NDUFA5: variants seen among roughly 807,000 people sequenced by gnomAD.
NDUFA5 encodes NADH dehydrogenase [ubiquinone] 1 alpha subcomplex subunit 5.
In NDUFA5, 11 loss-of-function variants were observed where a neutral mutation model predicts 19.8. That is an observed-to-expected ratio of 0.56 (90% confidence interval 0.35 to 0.92). The LOEUF (loss-of-function observed/expected upper bound fraction) is 0.92. NDUFA5 is among the 40% of genes least tolerant of loss of function. NDUFA5 has a pLI of 0.01. For synonymous variants in NDUFA5, 47 were observed against 46.8 expected (o/e 1.00, Z -0.01); for missense variants, 109 against 134.2 (o/e 0.81, Z 0.93).
upstream of NDUFA5, chr7:123,558,306 G>T (rs754204302): frequency 5.3e-4 from 83 of 157,638 alleles, 4 homozygotes; most frequent in Non-Finnish European, 1.5e-4. Context: ...TATGGAGTGT[G>T]AGGTCATTTT....
the NDUFA5 span, among the ~76,000 whole-genome samples, chr7:123,574,537 G>A: frequency 4.6e-3 from 707 of 152,192 alleles, 6 homozygotes; most frequent in African/African-American, 0.016. Context: ...TTTAAGAACC[G>A]CTAGTTAAAA....
In NDUFA5 at chr7:123,540,889, T is replaced by TGCGCGCGC. The variant is rs142574797; in HGVS notation, c.*1229_*1230insGCGCGCGC. 1,576 of 110,374 alleles carry TGCGCGCGC rather than the reference T, an allele frequency of 0.014. 19 individuals are homozygous for TGCGCGCGC. The highest frequency in any genetic ancestry group is 0.033 in the African/African-American group (943 of 28,416). The allele number at this position is 110,374 out of a possible 1,614,324, so 6.8% of individuals were successfully genotyped here. ...TTCTGAGCAAATGTGCGCATGCGCG[T>TGCGCGCGC]GCACACACACACACACACACACACA... is the stretch of plus-strand genomic sequence containing the variant. On this transcript the variant is annotated 3_prime_UTR_variant, in exon 5 of 5. Coordinates refer to ENST00000355749, the MANE Select transcript of NDUFA5 (RefSeq NM_005000.5).
chr7:123,590,204 G>A, the NDUFA5 span, among the ~76,000 whole-genome samples: 1 of 152,100 alleles, frequency 6.6e-6, no homozygotes, highest in Non-Finnish European at 1.5e-5. Flanking sequence ...TAAGTTCTGT[G>A]TAGATTCTGG....
At chr7:123,586,422 G>A in the NDUFA5 span, among the ~76,000 whole-genome samples, 1 of 151,520 alleles carries the variant, frequency 6.6e-6, no homozygotes, top group Non-Finnish European at 1.5e-5. Flanking sequence ...TTTTAATTAG[G>A]TTATTTGTTT....
At chr7:123,583,496 A>G in the NDUFA5 span, among the ~76,000 whole-genome samples, 2 of 151,996 alleles carry the variant, frequency 1.3e-5, no homozygotes, top group Admixed American at 1.3e-4. Flanking sequence ...AGAAAATGCA[A>G]TAAAATGAGT....
the NDUFA5 span, among the ~76,000 whole-genome samples, chr7:123,569,415 A>T: frequency 6.6e-6 from 1 of 152,234 alleles, no homozygotes; most frequent in Non-Finnish European, 1.5e-5. Flanking sequence ...AAAAAAGGCC[A>T]ACATAATATT....
the NDUFA5 span, among the ~76,000 whole-genome samples, chr7:123,578,645 TGAGA>T: frequency 1.6e-4 from 25 of 152,242 alleles, no homozygotes; most frequent in African/African-American, 5.8e-4. Flanking sequence ...TCTGAGCTAA[TGAGA>T]GAGATTGCTG....
chr7:123,563,320 G>A, the NDUFA5 span, among the ~76,000 whole-genome samples: 1 of 152,076 alleles, frequency 6.6e-6, no homozygotes, highest in Non-Finnish European at 1.5e-5. Context: ...ACACTTAAAG[G>A]CCATTGCAGC....
At position 123,554,254 on chromosome 7, in the gene NDUFA5, TAAATA is replaced by T. The variant is rs1445485787; in HGVS notation, c.66+3145_66+3149del. ...TGGCAATATTTTAGATTTGTTAGGG[TAAATA>T]AAATAATTAAATTTTACCTTTTTCT... On this transcript the variant is annotated intron_variant, in intron 2 of 4. Transcript: ENST00000355749. 1.7e-4 allele frequency among the ~76,000 whole-genome samples: 26 copies of T among 152,196 alleles called. 1 individual carries two copies. Among genetic ancestry groups the T allele is most frequent in the Non-Finnish European group, 2.4e-4 (16 of 68,040 alleles).
chr7:123,553,949 T>C (rs182418260), intron 2 of NDUFA5, among the ~76,000 whole-genome samples: 235 of 152,344 alleles, frequency 1.5e-3, no homozygotes, highest in Non-Finnish European at 2.3e-3. Context: ...TGGTAGATCA[T>C]AGAAACTTAA....
At chr7:123,564,968 C>CAT in the NDUFA5 span, among the ~76,000 whole-genome samples, 2,554 of 151,476 alleles carry the variant, frequency 0.017, 78 homozygotes, top group African/African-American at 0.059. Flanking sequence ...TACACACACA[C>CAT]ATACATGTAG....
chr7:123,545,527 G>C, intron 4 of NDUFA5, 84 bp downstream of exon 4: 2 of 1,086,964 alleles, frequency 1.8e-6, no homozygotes, highest in Middle Eastern at 2.0e-4. Context: ...TATAAACAAG[G>C]AAATTTAGTT....
rs1797817036 is a variant in NDUFA5, at chr7:123,538,391, C to T, written c.*3728G>A. The stretch of plus-strand genomic sequence containing the variant: ...ATTCTTCCTGTCCCCATCAATCATT[C>T]AAACCCCTTATCACATTCCCACTGT... On this transcript the variant is annotated 3_prime_UTR_variant, in exon 5 of 5. Transcript: ENST00000355749. 1 of 152,224 alleles carries T rather than the reference C, an allele frequency of 6.6e-6. No homozygotes were observed. 9.4% of individuals were successfully genotyped at this position (152,224 alleles called of 1,614,324 possible).
At chr7:123,582,411 C>T in the NDUFA5 span, among the ~76,000 whole-genome samples, 4,341 of 152,022 alleles carry the variant, frequency 0.029, 211 homozygotes, top group African/African-American at 0.098. Context: ...TTTCTCATTG[C>T]CACCGTCCTG....
the NDUFA5 span, among the ~76,000 whole-genome samples, chr7:123,591,951 C>T: frequency 6.6e-6 from 1 of 152,042 alleles, no homozygotes; most frequent in African/African-American, 2.4e-5. Context: ...TGTTGGTAGG[C>T]TATTAATTAA....
In NDUFA5 at chr7:123,540,890, G is replaced by GCACACACGCACACA. The variant is rs1797913818; in HGVS notation, c.*1228_*1229insTGTGTGCGTGTGTG. On this transcript the variant is annotated 3_prime_UTR_variant, in exon 5 of 5. Coordinates refer to ENST00000355749, the MANE Select transcript of NDUFA5 (RefSeq NM_005000.5). ...TCTGAGCAAATGTGCGCATGCGCGTGCACACACACACACACACACACACAC... is the reference window on the plus strand; with the variant it reads ...TCTGAGCAAATGTGCGCATGCGCGTGCACACACGCACACACACACACACACACACACACACACAC... The GCACACACGCACACA allele has an allele frequency of 7.5e-6, 1 of 133,830 alleles. No individual in the cohort carries two copies. The highest frequency in any genetic ancestry group is 1.6e-5 in the Non-Finnish European group (1 of 63,218). The allele number at this position is 133,830 out of a possible 1,614,324, so 8.3% of individuals were successfully genotyped here.
the NDUFA5 span, among the ~76,000 whole-genome samples, chr7:123,597,159 A>C: frequency 2.0e-5 from 3 of 152,326 alleles, 1 homozygote; most frequent in South Asian, 6.2e-4. Flanking sequence ...CCTTCTGAGT[A>C]GTGTGATGAA....
chr7:123,557,978 A>T, upstream of NDUFA5: 6 of 936,284 alleles, frequency 6.4e-6, no homozygotes, highest in South Asian at 9.3e-5. Context: ...CGCATGCGCG[A>T]TGGGCATACA....
In NDUFA5 at chr7:123,538,820, T is replaced by C. The variant is rs1488886215; in HGVS notation, c.*3299A>G. 6.6e-6 allele frequency: 1 copy of C among 152,200 alleles called. No individual in the cohort carries two copies. Among genetic ancestry groups the C allele is most frequent in the Non-Finnish European group, 1.5e-5 (1 of 68,018 alleles). 9.4% of individuals were successfully genotyped at this position (152,200 alleles called of 1,614,324 possible). A position where few individuals can be genotyped will look rare whatever the true frequency, so the allele number is the denominator to read the frequency against. ...GTAGGGTGTTAGACTTCTGTATGTT[T>C]ACATAATCATAGAGGATGGGAGGAA... is the stretch of plus-strand genomic sequence containing the variant. On this transcript the variant is annotated 3_prime_UTR_variant, in exon 5 of 5. Coordinates refer to ENST00000355749, the MANE Select transcript of NDUFA5 (RefSeq NM_005000.5).
Sources: allele counts gnomAD v4.1 joint callset (sites outside exome capture counted in the v4.1 genomes callset), GRCh38; gene constraint gnomAD v4.1.1; transcripts MANE v1.5; gene names NCBI Gene and HGNC (gene_info 2026-07-23, HGNC 2026-07-21).